PDGFC: variants seen among roughly 807,000 people sequenced by gnomAD.
PDGFC encodes platelet derived growth factor C, also known as platelet-derived growth factor C.
PDGFC carries 12 observed loss-of-function variants against 35.5 expected under a neutral mutation model. The observed-to-expected ratio is 0.34, with a 90% confidence interval of 0.22 to 0.55. PDGFC has a LOEUF of 0.55. Among genes scored for constraint, PDGFC ranks in the 20% least tolerant of loss-of-function variants. The pLI is 0.91. For missense variants in PDGFC, 322 were observed against 412.4 expected (o/e 0.78, Z 1.90); for synonymous variants, 159 against 148.8 (o/e 1.07, Z -0.50).
chr4:156,842,642 G>C (rs1297676691), intron 2 of PDGFC, among the ~76,000 whole-genome samples: 4 of 152,068 alleles, frequency 2.6e-5, no homozygotes, highest in African/African-American at 9.7e-5. Flanking sequence ...TAGTAGTCAA[G>C]GTTCTTCACA....
intron 1 of PDGFC, among the ~76,000 whole-genome samples, chr4:156,965,483 T>A (rs1426663054): frequency 6.6e-6 from 1 of 152,074 alleles, no homozygotes; most frequent in East Asian, 1.9e-4. Flanking sequence ...TAATTAACCT[T>A]GACAAGACAG....
At chr4:156,965,278 T>G (rs577117326) in intron 1 of PDGFC, among the ~76,000 whole-genome samples, 1 of 152,234 alleles carries the variant, frequency 6.6e-6, no homozygotes, top group African/African-American at 2.4e-5. Context: ...CTCCAGAACC[T>G]TTCAACAGAT....
Position 156,850,291 on chromosome 4 carries a change from C to T in PDGFC, c.244G>A (p.Glu82Lys). ...VLVWRLVAVEENVWIQLTFDE... is the reference protein window; with the variant it reads ...VLVWRLVAVEKNVWIQLTFDE... ...AACGTAAGTTGTATCCATACATTTT[C>T]CTCTACTGCTACTAATCTCCATACC... Residue 82 changes from glutamate to lysine, a missense_variant, in exon 2 of 6, where the codon GAA (glutamate) becomes AAA (lysine). Transcript: ENST00000502773. 6.2e-7 allele frequency: 1 copy of T among 1,610,612 alleles called. No individual in the cohort carries two copies. Among genetic ancestry groups the T allele is most frequent in the Non-Finnish European group, 8.5e-7 (1 of 1,177,922 alleles).
At chr4:156,909,541 T>G (rs1222080593) in intron 1 of PDGFC, among the ~76,000 whole-genome samples, 1 of 152,216 alleles carries the variant, frequency 6.6e-6, no homozygotes, top group Non-Finnish European at 1.5e-5. Flanking sequence ...TATATTTTCC[T>G]GGAAAACTGT....
chr4:156,936,172 G>A (rs1731675747), intron 1 of PDGFC, among the ~76,000 whole-genome samples: 2 of 152,166 alleles, frequency 1.3e-5, no homozygotes, highest in African/African-American at 4.8e-5. Context: ...CTGTCTTTTA[G>A]TGAAATCAGT....
At chr4:156,866,226 G>A (rs887890885) in intron 1 of PDGFC, among the ~76,000 whole-genome samples, 2 of 152,148 alleles carry the variant, frequency 1.3e-5, no homozygotes, top group East Asian at 1.9e-4. Flanking sequence ...TTGTCCTTGC[G>A]ATAGTTTGCT....
chr4:156,913,626 C>A (rs1461562103), intron 1 of PDGFC, among the ~76,000 whole-genome samples: 1 of 152,212 alleles, frequency 6.6e-6, no homozygotes, highest in African/African-American at 2.4e-5. Flanking sequence ...AATTAGAATT[C>A]CTAAGACCCC....
At chr4:156,874,941 C>T in intron 1 of PDGFC, among the ~76,000 whole-genome samples, 1 of 152,128 alleles carries the variant, frequency 6.6e-6, no homozygotes, top group East Asian at 1.9e-4. Flanking sequence ...TTGTCTCTAA[C>T]TCCTGAGCTC....
intron 1 of PDGFC, among the ~76,000 whole-genome samples, chr4:156,887,696 T>G (rs1730407272): frequency 6.6e-6 from 1 of 152,154 alleles, no homozygotes; most frequent in Non-Finnish European, 1.5e-5. Flanking sequence ...GATATCTCCC[T>G]TACAAATAAT....
intron 5 of PDGFC, among the ~76,000 whole-genome samples, chr4:156,763,884 G>T (rs1189184211): frequency 6.6e-6 from 1 of 152,158 alleles, no homozygotes; most frequent in African/African-American, 2.4e-5. Flanking sequence ...CTGCAGTTCA[G>T]ATTGTCAAGG....
At chr4:156,963,072 C>A (rs1381113580) in intron 1 of PDGFC, among the ~76,000 whole-genome samples, 1 of 152,022 alleles carries the variant, frequency 6.6e-6, no homozygotes, top group Non-Finnish European at 1.5e-5. Context: ...TGTTGATTTC[C>A]TTTAAGGAAT....
Position 156,850,238 on chromosome 4 carries a change from T to C in PDGFC, c.297A>G (p.Pro99=), listed in dbSNP as rs766533862. The C allele has an allele frequency of 3.8e-6, 6 of 1,582,592 alleles. No individual in the cohort carries two copies. The highest frequency in any genetic ancestry group is 5.2e-6 in the Non-Finnish European group (6 of 1,161,932). The change falls in exon 2 of 6, where the codon CCA becomes CCG. Residue 99 remains proline, a synonymous_variant. Coordinates refer to ENST00000502773, the MANE Select transcript of PDGFC (RefSeq NM_016205.3). ...TCACTTACTTGCATATGTCATCTTC[T>C]GGGTCTTCAAGCCCAAATCTTTCAT... ...TFDERFGLED[P]EDDICKYDFV... is the part of the protein sequence containing the mutation.
chr4:156,895,932 A>T (rs1730624608), intron 1 of PDGFC, among the ~76,000 whole-genome samples: 1 of 152,158 alleles, frequency 6.6e-6, no homozygotes, highest in Non-Finnish European at 1.5e-5. Flanking sequence ...GGTGCTAAAA[A>T]ATACTTAAGC....
intron 1 of PDGFC, among the ~76,000 whole-genome samples, chr4:156,860,800 C>T (rs1445612257): frequency 3.9e-5 from 6 of 152,000 alleles, no homozygotes; most frequent in Non-Finnish European, 8.8e-5. Flanking sequence ...ACCCTCAAAG[C>T]ATTTTTTATA....
intron 5 of PDGFC, among the ~76,000 whole-genome samples, chr4:156,766,055 T>C (rs1730518823): frequency 6.6e-6 from 1 of 152,112 alleles, no homozygotes; most frequent in Admixed American, 6.6e-5. Flanking sequence ...ATGTCTAGCT[T>C]TGGAGTTTGT....
chr4:156,789,976 CAAAAA>C (rs750843965), intron 3 of PDGFC, among the ~76,000 whole-genome samples: 6 of 55,950 alleles, frequency 1.1e-4, no homozygotes, highest in African/African-American at 4.5e-4. Flanking sequence ...GTCTCCATCT[CAAAAA>C]AAAAAAAAAA....
At chr4:156,863,410 G>C (rs1469552266) in intron 1 of PDGFC, among the ~76,000 whole-genome samples, 1 of 151,956 alleles carries the variant, frequency 6.6e-6, no homozygotes, top group Non-Finnish European at 1.5e-5. Context: ...TTTTCCTATT[G>C]CCTCTTTATT....
intron 2 of PDGFC, among the ~76,000 whole-genome samples, chr4:156,847,436 T>C (rs892506364): frequency 6.6e-6 from 1 of 151,796 alleles, no homozygotes; most frequent in African/African-American, 2.4e-5. Context: ...TACCTGACCG[T>C]ACTCTTCAAA....
chr4:156,962,702 C>T (rs1026924439), intron 1 of PDGFC, among the ~76,000 whole-genome samples: 6 of 152,126 alleles, frequency 3.9e-5, no homozygotes, highest in African/African-American at 4.8e-5. Flanking sequence ...TGGAGTCAGA[C>T]CAAGGTCCAA....
Sources: allele counts gnomAD v4.1 joint callset (sites outside exome capture counted in the v4.1 genomes callset), GRCh38; gene constraint gnomAD v4.1.1; transcripts MANE v1.5; gene names NCBI Gene and HGNC (gene_info 2026-07-23, HGNC 2026-07-21).